The following DR1 variants were observed in gnomAD, a reference collection of about 807,000 sequenced individuals.
DR1 encodes the protein down-regulator of transcription 1.
In DR1, 7 loss-of-function variants were observed where a neutral mutation model predicts 19.9. That is an observed-to-expected ratio of 0.35 (90% CI 0.20 to 0.66). DR1 has a LOEUF of 0.66. DR1 is among the 30% of genes least tolerant of loss of function. DR1 has a pLI of 0.66. For missense variants in DR1, 98 were observed against 203.7 expected, an observed-to-expected ratio of 0.48 and a Z score of 3.16; for synonymous variants, 76 against 72.5, an observed-to-expected ratio of 1.05 and a Z score of -0.24.
At chr1:93,352,846 A>G (rs1412763362) in intron 1 of DR1, among the ~76,000 whole-genome samples, 1 of 151,850 alleles carries the variant, frequency 6.6e-6, no homozygotes, top group Non-Finnish European at 1.5e-5. Context: ...AGGAAATTTT[A>G]TGCCTTGTCT....
At chr1:93,351,732 G>A (rs368639652) in intron 1 of DR1, among the ~76,000 whole-genome samples, 4 of 152,214 alleles carry the variant, frequency 2.6e-5, no homozygotes, top group South Asian at 2.1e-4. Context: ...CACCATGGTC[G>A]GCTGGCTTGG....
intron 1 of DR1, among the ~76,000 whole-genome samples, chr1:93,351,528 C>T (rs1393116273): frequency 6.7e-6 from 1 of 150,280 alleles, no homozygotes; most frequent in Non-Finnish European, 1.5e-5. Flanking sequence ...CTCTGCCTCC[C>T]GGGTTCAAGC....
chr1:93,347,565 T>C (rs1387950585), intron 1 of DR1, among the ~76,000 whole-genome samples: 1 of 152,198 alleles, frequency 6.6e-6, no homozygotes, highest in Non-Finnish European at 1.5e-5. Context: ...TTTTGAAATC[T>C]TTGATTGAAA....
rs1037702376 is a variant in DR1 at position 93,368,517 on chromosome 1, C to T, written c.*7878C>T. The stretch of plus-strand genomic sequence containing the variant: ...TGTTGTTAAGGCATCTAAGGATGCT[C>T]CAATTACTGGGGAAAACATACCAGG... On this transcript the variant is annotated 3_prime_UTR_variant, in exon 3 of 3. Transcript: ENST00000370272. 2 of 152,060 alleles carry T rather than the reference C, an allele frequency of 1.3e-5. No individual in the cohort carries two copies. Among genetic ancestry groups the T allele is most frequent in the Non-Finnish European group, 2.9e-5 (2 of 68,014 alleles). 9.4% of individuals were successfully genotyped at this position (152,060 alleles called of 1,614,324 possible).
Position 93,353,937 on chromosome 1 carries a change from A to G in DR1, c.250A>G (p.Ile84Val). ...AGAAAGTTTGGGATTTGGCTCTTACATCAGTGAAGTAAAAGAAGTCTTGCA... is the reference window on the plus strand; with the variant it reads ...AGAAAGTTTGGGATTTGGCTCTTACGTCAGTGAAGTAAAAGAAGTCTTGCA... ...ALESLGFGSY[I>V]SEVKEVLQEC... The change falls in exon 2 of 3, where the codon ATC becomes GTC. Residue 84 changes from isoleucine to valine, a missense_variant. By Grantham distance (29) the Ile-to-Val change is conservative (BLOSUM62 3). Coordinates refer to ENST00000370272, the MANE Select transcript of DR1 (RefSeq NM_001938.3). 1.2e-6 allele frequency: 2 copies of G among 1,610,766 alleles called. No homozygotes were observed. The highest frequency in any genetic ancestry group is 2.2e-5 in the East Asian group (1 of 44,824).
chr1:93,356,633 T>C (rs1666989085), intron 2 of DR1, among the ~76,000 whole-genome samples: 1 of 152,108 alleles, frequency 6.6e-6, no homozygotes, highest in Admixed American at 6.5e-5. Flanking sequence ...TACCAACTTG[T>C]AGTTGATTAG....
At chr1:93,348,532 A>T (rs1455677754) in intron 1 of DR1, among the ~76,000 whole-genome samples, 3 of 152,008 alleles carry the variant, frequency 2.0e-5, no homozygotes, top group African/African-American at 7.2e-5. Flanking sequence ...TCTTGGGGAG[A>T]GTTGATTCTT....
intron 1 of DR1, among the ~76,000 whole-genome samples, chr1:93,348,945 T>G (rs1666885002): frequency 6.6e-6 from 1 of 152,032 alleles, no homozygotes; most frequent in African/African-American, 2.4e-5. Context: ...GTTTTAGGTG[T>G]TTGAAGTGTG....
rs1385785834 is a variant in DR1 at position 93,367,626 on chromosome 1, A to C, written c.*6987A>C. On this transcript the variant is annotated 3_prime_UTR_variant, in exon 3 of 3. Transcript: ENST00000370272. ...TTGGGAATTGAGAAGAAACCAGAAT[A>C]CCCAGAGAAAACTCATGCAGATATG... The C allele has an allele frequency of 6.6e-6, 1 of 152,258 alleles. No homozygotes were observed. Among genetic ancestry groups the C allele is most frequent in the Non-Finnish European group, 1.5e-5 (1 of 68,064 alleles). 9.4% of individuals were successfully genotyped at this position (152,258 alleles called of 1,614,324 possible). A position where few individuals can be genotyped will look rare whatever the true frequency, so the allele number is the denominator to read the frequency against.
intron 2 of DR1, chr1:93,355,761 A>G (rs1419369748): frequency 1.3e-5 from 2 of 152,150 alleles, no homozygotes; most frequent in Non-Finnish European, 2.9e-5. Context: ...TATTGTGAGG[A>G]TGACCAGCGG....
intron 2 of DR1, among the ~76,000 whole-genome samples, chr1:93,358,922 A>C (rs74104011): frequency 8.2e-4 from 125 of 152,312 alleles, no homozygotes; most frequent in African/African-American, 2.9e-3. Flanking sequence ...AATTTCAGTA[A>C]GTGGCAGGAA....
rs1417101813 is a variant in DR1, at chr1:93,346,571, G to GA, written c.-74dup. ...GATCACTCTCCGAGGGCGACTTTTT[G>GA]AGAAATCTCGGTGGAGTAGTGGACC... On this transcript the variant is annotated 5_prime_UTR_variant, in exon 1 of 3. Coordinates refer to ENST00000370272, the MANE Select transcript of DR1 (RefSeq NM_001938.3). 7.5e-7 allele frequency: 1 copy of GA among 1,325,078 alleles called. No homozygotes were observed. Among genetic ancestry groups the GA allele is most frequent in the African/African-American group, 1.5e-5 (1 of 68,420 alleles). 82.1% of individuals were successfully genotyped at this position (1,325,078 alleles called of 1,614,324 possible).
At chr1:93,347,954 G>A (rs1052347184) in intron 1 of DR1, among the ~76,000 whole-genome samples, 14 of 152,042 alleles carry the variant, frequency 9.2e-5, no homozygotes, top group Admixed American at 8.5e-4. Context: ...TAGGCAGGTG[G>A]TTGTCTATCA....
At chr1:93,348,720 C>T (rs1201195671) in intron 1 of DR1, among the ~76,000 whole-genome samples, 1 of 152,004 alleles carries the variant, frequency 6.6e-6, no homozygotes, top group Non-Finnish European at 1.5e-5. Flanking sequence ...TTTTAAAAAT[C>T]ATGTATTGAC....
At position 93,367,419 on chromosome 1, in the gene DR1, C is replaced by G. The variant is rs1016228232; in HGVS notation, c.*6780C>G. The stretch of plus-strand genomic sequence containing the variant: ...CGTTTTACAGTAATTTGTATTCATT[C>G]GTTTTTCAACCTGCTTATTTCAGTT... On this transcript the variant is annotated 3_prime_UTR_variant, in exon 3 of 3. Transcript: ENST00000370272. 1 of 152,098 alleles carries G rather than the reference C, an allele frequency of 6.6e-6. No homozygotes were observed. The highest frequency in any genetic ancestry group is 1.5e-5 in the Non-Finnish European group (1 of 68,020). 9.4% of individuals were successfully genotyped at this position (152,098 alleles called of 1,614,324 possible).
intron 1 of DR1, among the ~76,000 whole-genome samples, chr1:93,348,642 C>T (rs767645685): frequency 1.3e-5 from 2 of 152,044 alleles, no homozygotes; most frequent in Admixed American, 1.3e-4. Flanking sequence ...ATGCTAAATT[C>T]AGTTTAATGT....
Position 93,369,359 on chromosome 1 carries a change from A to G in DR1, c.*8720A>G, listed in dbSNP as rs1480207628. ...TTGTGTGCTTTTGCAAGGTAATTGT[A>G]GAACTCATTCTAAGGAAGCAGAGGT... On this transcript the variant is annotated 3_prime_UTR_variant, in exon 3 of 3. Transcript: ENST00000370272. 6.6e-6 allele frequency: 1 copy of G among 152,222 alleles called. No homozygotes were observed. Among genetic ancestry groups the G allele is most frequent in the Admixed American group, 6.5e-5 (1 of 15,280 alleles). The allele number at this position is 152,222 out of a possible 1,614,324, so 9.4% of individuals were successfully genotyped here.
chr1:93,351,726 A>G lies in DR1; in HGVS notation c.221-2182A>G, dbSNP rs190234237. 2.7e-3 allele frequency among the ~76,000 whole-genome samples: 405 copies of G among 152,156 alleles called. 7 individuals carry two copies. The highest frequency in any genetic ancestry group is 2.8e-4 in the Non-Finnish European group (19 of 68,002). On this transcript the variant is annotated intron_variant, in intron 1 of 2. Coordinates refer to ENST00000370272, the MANE Select transcript of DR1 (RefSeq NM_001938.3). Reference sequence around the variant, plus strand: ...GCTGGGATTACAGGCATGAGCCACCATGGTCGGCTGGCTTGGATATCCTTA... The same window carrying G: ...GCTGGGATTACAGGCATGAGCCACCGTGGTCGGCTGGCTTGGATATCCTTA...
chr1:93,358,687 G>T (rs1667021516), intron 2 of DR1, among the ~76,000 whole-genome samples: 1 of 152,096 alleles, frequency 6.6e-6, no homozygotes, highest in Non-Finnish European at 1.5e-5. Flanking sequence ...TATTCCCTCA[G>T]TTTTAGGGTT....
Sources: allele counts gnomAD v4.1 joint callset (sites outside exome capture counted in the v4.1 genomes callset), GRCh38; gene constraint gnomAD v4.1.1; transcripts MANE v1.5; gene names NCBI Gene and HGNC (gene_info 2026-07-23, HGNC 2026-07-21).